HACD3: variants seen among roughly 807,000 people sequenced by gnomAD.
HACD3 encodes 3-hydroxyacyl-CoA dehydratase 3.
In HACD3, 30 loss-of-function variants were observed where a neutral mutation model predicts 55.2. The observed-to-expected ratio is 0.54, with a 90% CI of 0.41 to 0.74. HACD3 has a LOEUF of 0.74. Among genes scored for constraint, HACD3 ranks in the 30% least tolerant of loss-of-function variants. HACD3 has a pLI of 0.00. For synonymous variants in HACD3, 141 were observed against 151.7 expected (o/e 0.93, Z 0.52); for missense variants, 363 against 440.1 (o/e 0.82, Z 1.57).
chr15:65,542,612 T>A (rs949533731), intron 1 of HACD3, among the ~76,000 whole-genome samples: 1 of 152,114 alleles, frequency 6.6e-6, no homozygotes, highest in African/African-American at 2.4e-5. Context: ...AAAACACGCA[T>A]ATACAGAGAA....
intron 1 of HACD3, among the ~76,000 whole-genome samples, chr15:65,537,958 A>AAAAAAT (rs2071979140): frequency 9.0e-5 from 1 of 11,164 alleles, no homozygotes; most frequent in Non-Finnish European, 1.6e-4. Context: ...AAAAAAAAAA[A>AAAAAAT]ATATATATAT....
chr15:65,566,924 C>T (rs1376081793), intron 7 of HACD3: 1 of 152,160 alleles, frequency 6.6e-6, no homozygotes, highest in Non-Finnish European at 1.5e-5. Flanking sequence ...AAAAACCTAC[C>T]TTCAGTCTCC....
chr15:65,558,849 GT>G (rs1404089976), intron 5 of HACD3, 118 bp downstream of exon 5: 5 of 1,286,304 alleles, frequency 3.9e-6, no homozygotes, highest in Non-Finnish European at 5.5e-6. Context: ...GTGTGGGTGA[GT>G]TTATGAAAAA....
chr15:65,563,696 C>T (rs562642837), intron 6 of HACD3, among the ~76,000 whole-genome samples: 4 of 151,768 alleles, frequency 2.6e-5, no homozygotes, highest in South Asian at 2.1e-4. Flanking sequence ...GGTGGCTGTG[C>T]GTGGTGGCTC....
intron 1 of HACD3, among the ~76,000 whole-genome samples, chr15:65,550,604 T>A (rs1220473691): frequency 6.6e-6 from 1 of 152,222 alleles, no homozygotes; most frequent in East Asian, 1.9e-4. Flanking sequence ...TAATAATTAT[T>A]TGTTAATCTG....
At chr15:65,536,093 C>T (rs554623802) in intron 1 of HACD3, among the ~76,000 whole-genome samples, 38 of 152,180 alleles carry the variant, frequency 2.5e-4, no homozygotes, top group Admixed American at 1.3e-3. Flanking sequence ...CTTGGCCCAC[C>T]GCAACCTCCG....
rs1477465992 is a variant in HACD3 at position 65,570,130 on chromosome 15, A to G, written c.700A>G (p.Thr234Ala). The change falls in exon 8 of 11, where the codon ACC becomes GCC. Residue 234 changes from threonine (T) to alanine (A), a missense_variant. Coordinates refer to ENST00000261875, the MANE Select transcript of HACD3 (RefSeq NM_016395.4). Reference protein sequence around the residue: ...RNFILFIIFGTMEEMQNKAVV... With the variant: ...RNFILFIIFGAMEEMQNKAVV... ...TTTTATTTTGTTTATCATCTTTGGC[A>G]CCATGGAAGAAATGCAGAACAAAGC... 6.2e-7 allele frequency: 1 copy of G among 1,612,810 alleles called. No homozygotes were observed. The highest frequency in any genetic ancestry group is 8.5e-7 in the Non-Finnish European group (1 of 1,179,212).
chr15:65,561,919 G>T (rs908355805), intron 5 of HACD3, among the ~76,000 whole-genome samples: 5 of 152,222 alleles, frequency 3.3e-5, no homozygotes, highest in African/African-American at 1.2e-4. Flanking sequence ...TGGCTCCACA[G>T]AACTCAGGGA....
intron 7 of HACD3, chr15:65,566,511 A>G: frequency 6.1e-6 from 1 of 163,814 alleles, no homozygotes; most frequent in Non-Finnish European, 1.3e-5. Context: ...ACAAAAGCGG[A>G]AACCCCTGAT....
At chr15:65,553,753 G>A (rs1245801744) in intron 2 of HACD3, among the ~76,000 whole-genome samples, 1 of 152,208 alleles carries the variant, frequency 6.6e-6, no homozygotes, top group Non-Finnish European at 1.5e-5. Context: ...GCTACCTGTA[G>A]CGAATATTAG....
At chr15:65,557,289 C>T (rs2072202045) in intron 4 of HACD3, among the ~76,000 whole-genome samples, 1 of 152,122 alleles carries the variant, frequency 6.6e-6, no homozygotes, top group South Asian at 2.1e-4. Context: ...TCCTGGCTAG[C>T]ACAGTGAAAC....
chr15:65,573,897 A>G lies in HACD3; in HGVS notation c.1012+1531A>G, dbSNP rs938449552. 2.6e-5 allele frequency among the ~76,000 whole-genome samples: 4 copies of G among 152,356 alleles called. No homozygotes were observed. The East Asian group carries it at 7.7e-4, about 29-fold the overall frequency. On this transcript the variant is annotated intron_variant, in intron 10 of 10. Transcript: ENST00000261875. ...CACTGATTATCATACATAGAACTTT[A>G]CATGTTTAAGGATAAGACAAGCTCC...
Position 65,578,335 on chromosome 15 carries a change from C to T in HACD3, c.*1956C>T, listed in dbSNP as rs1246455802. On this transcript the variant is annotated 3_prime_UTR_variant, in exon 11 of 11. Transcript: ENST00000261875. ...GAAAGATTGTGTATTTCTATTAAAA[C>T]ATTTACAATCAAAATTCTAATGACT... 6.6e-6 allele frequency: 1 copy of T among 152,192 alleles called. No homozygotes were observed. Among genetic ancestry groups the T allele is most frequent in the African/African-American group, 2.4e-5 (1 of 41,452 alleles). The allele number at this position is 152,192 out of a possible 1,614,324, so 9.4% of individuals were successfully genotyped here.
chr15:65,557,261 G>C (rs1244257481), intron 4 of HACD3, among the ~76,000 whole-genome samples: 2 of 152,150 alleles, frequency 1.3e-5, no homozygotes, highest in African/African-American at 4.8e-5. Flanking sequence ...GGATCACGAG[G>C]TCAGGAGATA....
At chr15:65,561,722 C>T (rs1228435951) in intron 5 of HACD3, among the ~76,000 whole-genome samples, 2 of 152,134 alleles carry the variant, frequency 1.3e-5, no homozygotes, top group Admixed American at 6.6e-5. Flanking sequence ...GCTGGGTGCC[C>T]TCTGGTTCAA....
intron 4 of HACD3, among the ~76,000 whole-genome samples, chr15:65,557,753 A>AATCATTTAT (rs1302430898): frequency 1.3e-5 from 2 of 152,124 alleles, no homozygotes; most frequent in African/African-American, 4.8e-5. Context: ...TTATTTATTC[A>AATCATTTAT]ATCATTTATA....
At chr15:65,557,723 G>T (rs2072207360) in intron 4 of HACD3, among the ~76,000 whole-genome samples, 1 of 152,160 alleles carries the variant, frequency 6.6e-6, no homozygotes, top group South Asian at 2.1e-4. Flanking sequence ...GAATAATTAT[G>T]CATGTCTATT....
At chr15:65,559,133 A>C (rs10519294) in intron 5 of HACD3, among the ~76,000 whole-genome samples, 31,893 of 152,202 alleles carry the variant, frequency 0.21, 3,763 homozygotes, top group African/African-American at 0.31. Flanking sequence ...TGTGGTTGTC[A>C]GCCTGAAAGA....
chr15:65,552,411 C>G (rs911780497), intron 2 of HACD3, among the ~76,000 whole-genome samples: 1 of 152,220 alleles, frequency 6.6e-6, no homozygotes, highest in South Asian at 2.1e-4. Context: ...TTTCGGCTCA[C>G]TGCAACCTCC....
Sources: allele counts gnomAD v4.1 joint callset (sites outside exome capture counted in the v4.1 genomes callset), GRCh38; gene constraint gnomAD v4.1.1; transcripts MANE v1.5; gene names NCBI Gene and HGNC (gene_info 2026-07-23, HGNC 2026-07-21).